LTBP1: variants seen among roughly 807,000 people sequenced by gnomAD.
LTBP1 encodes the protein latent-transforming growth factor beta-binding protein 1.
Under a neutral mutation model 207.6 loss-of-function variants are expected in LTBP1, and 129 were observed. That is an observed-to-expected ratio of 0.62 (90% CI 0.54 to 0.72). LTBP1 has a LOEUF of 0.72. LTBP1 is among the 30% of genes least tolerant of loss of function. The pLI is 0.00. For missense variants in LTBP1, 2,281 were observed against 2,217.2 expected (o/e 1.03, Z -0.58); for synonymous variants, 963 against 833.7 (o/e 1.16, Z -2.67).
intron 3 of LTBP1, among the ~76,000 whole-genome samples, chr2:33,086,138 G>T (rs1299398429): frequency 6.6e-6 from 1 of 152,216 alleles, no homozygotes; most frequent in East Asian, 1.9e-4. Context: ...AGTAGGTACC[G>T]CATTAGCATG....
At chr2:33,162,192 G>A (rs1015085783) in intron 5 of LTBP1, among the ~76,000 whole-genome samples, 4 of 152,140 alleles carry the variant, frequency 2.6e-5, no homozygotes, top group Non-Finnish European at 5.9e-5. Flanking sequence ...AAAGGGTGAA[G>A]TTTTTAAAAT....
At chr2:33,359,748 A>G (rs140378063) in intron 26 of LTBP1, among the ~76,000 whole-genome samples, 78 of 152,368 alleles carry the variant, frequency 5.1e-4, no homozygotes, top group Admixed American at 4.4e-3. Flanking sequence ...GGATGTGACT[A>G]CTTTCCAAGT....
At chr2:33,340,525 T>A (rs1231094687) in intron 24 of LTBP1, among the ~76,000 whole-genome samples, 2 of 151,988 alleles carry the variant, frequency 1.3e-5, no homozygotes, top group Non-Finnish European at 2.9e-5. Flanking sequence ...GTTCAAGGAG[T>A]GGGCATTCAG....
intron 2 of LTBP1, among the ~76,000 whole-genome samples, chr2:32,953,665 G>A (rs748211681): frequency 1.3e-5 from 2 of 152,082 alleles, no homozygotes; most frequent in African/African-American, 4.8e-5. Context: ...GATGCCGCCC[G>A]CCCCCTGCCT....
intron 9 of LTBP1, among the ~76,000 whole-genome samples, chr2:33,234,827 C>A (rs1261708377): frequency 6.6e-6 from 1 of 151,972 alleles, no homozygotes; most frequent in African/African-American, 2.4e-5. Context: ...AACTGTACTA[C>A]AAGGCTACAG....
intron 3 of LTBP1, among the ~76,000 whole-genome samples, chr2:33,029,063 A>AG (rs1438385943): frequency 6.6e-6 from 1 of 152,182 alleles, no homozygotes; most frequent in Non-Finnish European, 1.5e-5. Flanking sequence ...ATTATTTTTC[A>AG]CTTAGAGATC....
At chr2:33,024,778 C>A (rs1237973219) in intron 3 of LTBP1, among the ~76,000 whole-genome samples, 1 of 152,150 alleles carries the variant, frequency 6.6e-6, no homozygotes, top group Non-Finnish European at 1.5e-5. Context: ...GGTAGCCTGG[C>A]ATATTAGTTT....
chr2:33,121,306 A>C (rs1445359375), intron 4 of LTBP1, among the ~76,000 whole-genome samples: 1 of 151,954 alleles, frequency 6.6e-6, no homozygotes, highest in East Asian at 1.9e-4. Flanking sequence ...AAATATTTTA[A>C]ATATGCAGTG....
At chr2:33,246,590 G>T (rs923805146) in intron 10 of LTBP1, among the ~76,000 whole-genome samples, 2 of 152,048 alleles carry the variant, frequency 1.3e-5, no homozygotes, top group Non-Finnish European at 2.9e-5. Flanking sequence ...GCAAATGGAG[G>T]ACAAATGACA....
At position 32,947,147 on chromosome 2, in the gene LTBP1, C is replaced by G. The variant is rs2148148133; in HGVS notation, c.-178C>G. On this transcript the variant is annotated 5_prime_UTR_variant, in exon 1 of 34. Coordinates refer to ENST00000404816, the MANE Select transcript of LTBP1 (RefSeq NM_206943.4). Reference sequence around the variant, plus strand: ...GCTCCCAGCCACAATCGGCCGGGGTCTGGGGCCGCTCAGCTGCCCGCAGAG... The same window carrying G: ...GCTCCCAGCCACAATCGGCCGGGGTGTGGGGCCGCTCAGCTGCCCGCAGAG... The G allele has an allele frequency of 2.6e-6, 1 of 386,546 alleles. No individual in the cohort carries two copies. The highest frequency in any genetic ancestry group is 2.1e-5 in the African/African-American group (1 of 47,488). The allele number at this position is 386,546 out of a possible 1,614,324, so 23.9% of individuals were successfully genotyped here. A position where few individuals can be genotyped will look rare whatever the true frequency, so the allele number is the denominator to read the frequency against.
At chr2:33,130,458 CA>C (rs2081709504) in intron 4 of LTBP1, among the ~76,000 whole-genome samples, 1 of 152,190 alleles carries the variant, frequency 6.6e-6, no homozygotes, top group African/African-American at 2.4e-5. Context: ...TGCTTTTGGT[CA>C]CATCTTGGTC....
At chr2:33,338,080 A>G (rs2094573431) in intron 24 of LTBP1, among the ~76,000 whole-genome samples, 2 of 152,204 alleles carry the variant, frequency 1.3e-5, no homozygotes, top group Admixed American at 1.3e-4. Flanking sequence ...TTAAGCTATT[A>G]CCTCACCTCA....
intron 10 of LTBP1, among the ~76,000 whole-genome samples, chr2:33,250,498 A>G (rs899673443): frequency 1.3e-5 from 2 of 152,148 alleles, no homozygotes; most frequent in African/African-American, 4.8e-5. Context: ...AGGAGAGGGA[A>G]CCAAGGGAGC....
At chr2:33,195,244 T>G (rs1037723200) in intron 7 of LTBP1, among the ~76,000 whole-genome samples, 17 of 152,186 alleles carry the variant, frequency 1.1e-4, no homozygotes, top group African/African-American at 4.1e-4. Context: ...ATACATTTTT[T>G]AAGGCTATTA....
intron 9 of LTBP1, among the ~76,000 whole-genome samples, chr2:33,223,422 CCA>C (rs2091246570): frequency 6.6e-6 from 1 of 152,132 alleles, no homozygotes; most frequent in Non-Finnish European, 1.5e-5. Flanking sequence ...TTAGAATTAA[CCA>C]CTTAAGGAGA....
At chr2:33,350,509 G>C (rs1038557509) in intron 26 of LTBP1, among the ~76,000 whole-genome samples, 1 of 152,180 alleles carries the variant, frequency 6.6e-6, no homozygotes, top group Non-Finnish European at 1.5e-5. Flanking sequence ...CTTCCAGCAG[G>C]GTATTGCCCC....
chr2:33,185,744 T>C (rs1028051968), intron 5 of LTBP1, among the ~76,000 whole-genome samples: 1 of 152,144 alleles, frequency 6.6e-6, no homozygotes, highest in African/African-American at 2.4e-5. Context: ...GAATAGTTTC[T>C]GTGTAGAGGA....
intron 3 of LTBP1, among the ~76,000 whole-genome samples, chr2:33,078,059 C>T (rs1167339720): frequency 6.6e-6 from 1 of 152,048 alleles, no homozygotes; most frequent in Admixed American, 6.6e-5. Flanking sequence ...TTGCTTGCAG[C>T]CTGGAGGAAG....
At chr2:33,367,980 C>T (rs1244059738) in intron 31 of LTBP1, among the ~76,000 whole-genome samples, 4 of 151,966 alleles carry the variant, frequency 2.6e-5, no homozygotes, top group Non-Finnish European at 5.9e-5. Context: ...TTTGGGAGGC[C>T]GAGGCGGGCG....
Sources: allele counts gnomAD v4.1 joint callset (sites outside exome capture counted in the v4.1 genomes callset), GRCh38; gene constraint gnomAD v4.1.1; transcripts MANE v1.5; gene names NCBI Gene and HGNC (gene_info 2026-07-23, HGNC 2026-07-21).